The following LYST variants were observed in gnomAD, a reference collection of about 807,000 sequenced individuals.
LYST encodes lysosomal-trafficking regulator.
LYST carries 192 observed loss-of-function variants against 413.6 expected under a neutral mutation model. The ratio of observed to expected loss-of-function variants is 0.46; its 90% CI spans 0.41 to 0.52. The LOEUF (loss-of-function observed/expected upper bound fraction) is 0.52, where lower values mean the gene tolerates loss of function less well. LYST is among the 20% of genes least tolerant of loss of function. The pLI, the probability that LYST is intolerant of heterozygous loss-of-function variation, is 0.00. For synonymous variants in LYST, 1,525 were observed against 1,567.3 expected (o/e 0.97, Z 0.64); for missense variants, 3,815 against 4,499.9 (o/e 0.85, Z 4.35).
intron 25 of LYST, 49 bp downstream of exon 25, chr1:235,755,429 A>G (rs1297806579): frequency 6.2e-6 from 9 of 1,456,014 alleles, no homozygotes; most frequent in Non-Finnish European, 8.6e-6. Context: ...AAAAGAAAAG[A>G]AAAAAGACAA....
At chr1:235,751,182 G>A in intron 28 of LYST, 28 bp downstream of exon 28, 1 of 1,603,740 alleles carries the variant, frequency 6.2e-7, no homozygotes, top group African/African-American at 1.3e-5. Context: ...TCAATTTATG[G>A]TTATTAAAAT....
At chr1:235,666,542 A>C (rs193068103) in intron 50 of LYST, among the ~76,000 whole-genome samples, 1 of 151,312 alleles carries the variant, frequency 6.6e-6, no homozygotes, top group Non-Finnish European at 1.5e-5. Flanking sequence ...ATACTTAAAA[A>C]ATGGCTGGAA....
At chr1:235,778,360 A>G (rs912574496) in intron 16 of LYST, among the ~76,000 whole-genome samples, 23 of 150,870 alleles carry the variant, frequency 1.5e-4, no homozygotes, top group Admixed American at 1.1e-3. Context: ...TGCTTAGATT[A>G]TTCTTATTAT....
At chr1:235,751,885 T>C (rs1357174476) in intron 27 of LYST, 120 bp downstream of exon 27, 1 of 777,204 alleles carries the variant, frequency 1.3e-6, no homozygotes, top group Non-Finnish European at 2.1e-6. Flanking sequence ...ATAGATACTA[T>C]TACAAAATTA....
Position 235,661,156 on chromosome 1 carries a change from A to G in LYST, c.*1784T>C, listed in dbSNP as rs1333009843. The G allele has an allele frequency of 1.3e-5, 2 of 152,668 alleles. No individual in the cohort carries two copies. Among genetic ancestry groups the G allele is most frequent in the African/African-American group, 4.8e-5 (2 of 41,468 alleles). 9.5% of individuals were successfully genotyped at this position (152,668 alleles called of 1,614,324 possible). A position where few individuals can be genotyped will look rare whatever the true frequency, so the allele number is the denominator to read the frequency against. On this transcript the variant is annotated 3_prime_UTR_variant, in exon 53 of 53. Coordinates refer to ENST00000389793, the MANE Select transcript of LYST (RefSeq NM_000081.4). ...ATGCACATTATGAAGTATTTCAAAC[A>G]TATACATATTAGGTTTCATGCTGAA... is the stretch of plus-strand genomic sequence containing the variant.
chr1:235,802,212 A>AC (rs1211323448), intron 8 of LYST, among the ~76,000 whole-genome samples: 1 of 150,854 alleles, frequency 6.6e-6, no homozygotes, highest in Non-Finnish European at 1.5e-5. Flanking sequence ...AAAAAAAAAA[A>AC]AAAAAAAACT....
chr1:235,792,276 C>T (rs2103528612), intron 11 of LYST, 151 bp from the exon 12 acceptor site: 1 of 626,150 alleles, frequency 1.6e-6, no homozygotes, highest in East Asian at 2.8e-5. Flanking sequence ...ATCTTTAAAA[C>T]TTTCATTTTC....
intron 31 of LYST, 81 bp from the exon 32 acceptor site, chr1:235,734,740 T>C: frequency 2.2e-6 from 2 of 896,906 alleles, no homozygotes; most frequent in Non-Finnish European, 1.7e-6. Context: ...TTAAATTATA[T>C]TGCTAGATTT....
Position 235,830,374 on chromosome 1 carries a change from T to C in LYST, c.44A>G (p.Asp15Gly), listed in dbSNP as rs773170266. ...CACTGCATTGCAAAGCCGGTTGACA[T>C]CGGTCAGAAATTCACGTGCCAGTGA... ...SNSLAREFLT[D>G]VNRLCNAVVQ... The change falls in exon 3 of 53, where the codon GAT (aspartate) becomes GGT (glycine). Residue 15 changes from aspartate to glycine, a missense_variant. Physicochemically the swap from Asp to Gly is moderately conservative, Grantham distance 94. Transcript: ENST00000389793. 1 of 1,613,824 alleles carries C rather than the reference T, an allele frequency of 6.2e-7. No homozygotes were observed. Among genetic ancestry groups the C allele is most frequent in the East Asian group, 2.2e-5 (1 of 44,850 alleles).
chr1:235,681,347 G>A (rs1455052193), intron 48 of LYST, among the ~76,000 whole-genome samples: 1 of 152,212 alleles, frequency 6.6e-6, no homozygotes, highest in Non-Finnish European at 1.5e-5. Flanking sequence ...GTGGTGGTGA[G>A]GTAGAGGGGG....
chr1:235,790,431 CACAT>C (rs1011171117), intron 12 of LYST, among the ~76,000 whole-genome samples: 15 of 152,156 alleles, frequency 9.9e-5, no homozygotes, highest in African/African-American at 3.6e-4. Flanking sequence ...AGCAAAGTGA[CACAT>C]ACACAGAAAG....
chr1:235,808,385 G>A (rs1673091934), intron 5 of LYST, 70 bp downstream of exon 5: 1 of 1,412,190 alleles, frequency 7.1e-7, no homozygotes, highest in Admixed American at 1.9e-5. Context: ...TCACTTGAAA[G>A]CATCCAATGA....
chr1:235,813,232 A>G (rs1673649650), intron 3 of LYST, among the ~76,000 whole-genome samples, 171 bp from the exon 4 acceptor site: 1 of 152,228 alleles, frequency 6.6e-6, no homozygotes, highest in Admixed American at 6.5e-5. Flanking sequence ...GATACTTTTA[A>G]GTTTATAAGC....
intron 14 of LYST, 79 bp from the exon 15 acceptor site, chr1:235,782,166 A>G (rs1376157922): frequency 8.1e-7 from 1 of 1,238,634 alleles, no homozygotes; most frequent in South Asian, 1.3e-5. Context: ...ATGAATATTT[A>G]ACAATGGGGA....
At chr1:235,720,293 G>C (rs763819881) in intron 40 of LYST, among the ~76,000 whole-genome samples, 5 of 151,172 alleles carry the variant, frequency 3.3e-5, no homozygotes, top group Non-Finnish European at 7.4e-5. Context: ...CTATCTTTGA[G>C]AGAAGCAGGG....
intron 48 of LYST, among the ~76,000 whole-genome samples, chr1:235,679,834 C>T (rs996534600): frequency 2.0e-5 from 3 of 152,078 alleles, no homozygotes; most frequent in Admixed American, 1.3e-4. Context: ...TCCTGGGTGC[C>T]GTTTTCCATT....
chr1:235,770,037 G>T (rs1265021718), intron 20 of LYST, 123 bp downstream of exon 20: 2 of 826,062 alleles, frequency 2.4e-6, no homozygotes, highest in Non-Finnish European at 4.0e-6. Flanking sequence ...AGAGAATCTG[G>T]AGAGAAGATG....
intron 3 of LYST, among the ~76,000 whole-genome samples, chr1:235,817,788 T>TA (rs1469585665): frequency 1.3e-5 from 2 of 151,930 alleles, no homozygotes; most frequent in Non-Finnish European, 2.9e-5. Context: ...GGTGATGAAA[T>TA]AGTCTGTACA....
rs1183727648 is a variant in LYST at position 235,741,501 on chromosome 1, T to G, written c.8279A>C (p.Glu2760Ala). 1.2e-6 allele frequency: 2 copies of G among 1,614,170 alleles called. No individual in the cohort carries two copies. The highest frequency in any genetic ancestry group is 3.3e-5 in the Admixed American group (2 of 60,026). Residue 2760 changes from glutamate (E) to alanine (A), a missense_variant, in exon 31 of 53, where the codon GAG becomes GCG. By Grantham distance (107) the Glu-to-Ala change is moderately radical (BLOSUM62 -1). Transcript: ENST00000389793. ...AACTATTTCAAAAATTTGCTTTCTC[T>G]CTTGTGCAGCGTGGGCTGGCGACAA... ...HILSPAHAAQ[E>A]RKQIFEIVHE...
Sources: allele counts gnomAD v4.1 joint callset (sites outside exome capture counted in the v4.1 genomes callset), GRCh38; gene constraint gnomAD v4.1.1; transcripts MANE v1.5; gene names NCBI Gene and HGNC (gene_info 2026-07-23, HGNC 2026-07-21).